Variants in DMXL2 observed in about 807,000 individuals in gnomAD.
DMXL2 encodes the protein Dmx like 2.
DMXL2 carries 103 observed loss-of-function variants against 331.1 expected under a neutral mutation model. That is an observed-to-expected ratio of 0.31 (90% CI 0.27 to 0.37). DMXL2 has a LOEUF of 0.37. DMXL2 is among the 10% of genes least tolerant of loss of function. The pLI is 1.00. For missense variants in DMXL2, 3,171 were observed against 3,642.9 expected (o/e 0.87, Z 3.33); for synonymous variants, 1,281 against 1,252.1 (o/e 1.02, Z -0.49).
chr15:51,538,459 A>G lies in DMXL2; in HGVS notation c.1106-7T>C. 1 of 1,567,448 alleles carries G rather than the reference A, an allele frequency of 6.4e-7. No individual in the cohort carries two copies. Among genetic ancestry groups the G allele is most frequent in the Non-Finnish European group, 8.6e-7 (1 of 1,159,512 alleles). On this transcript the variant is annotated splice_region_variant and splice_polypyrimidine_tract_variant and intron_variant, in intron 9 of 43. Coordinates refer to ENST00000560891, the MANE Select transcript of DMXL2 (RefSeq NM_001378457.1). The stretch of plus-strand genomic sequence containing the variant: ...ACCAAGACATTTGGAATATCTGTGG[A>G]AATAAAAGAGATTTCAATATAATTT...
At chr15:51,601,185 G>A (rs1197878707) in intron 1 of DMXL2, among the ~76,000 whole-genome samples, 1 of 151,656 alleles carries the variant, frequency 6.6e-6, no homozygotes, top group East Asian at 1.9e-4. Context: ...CAGCTACTCG[G>A]GAGGCTGAGG....
chr15:51,587,170 T>C (rs1241908831), intron 1 of DMXL2, among the ~76,000 whole-genome samples: 1 of 152,182 alleles, frequency 6.6e-6, no homozygotes, highest in African/African-American at 2.4e-5. Flanking sequence ...GAAATAAAAA[T>C]AACTTTTTTT....
chr15:51,498,903 T>C lies in DMXL2; in HGVS notation c.4321A>G (p.Thr1441Ala), dbSNP rs1567031469. The change falls in exon 18 of 44, where the codon ACA becomes GCA. Residue 1441 changes from threonine to alanine, a missense_variant. Thr to Ala is a moderately conservative substitution (Grantham distance 58). Coordinates refer to ENST00000560891, the MANE Select transcript of DMXL2 (RefSeq NM_001378457.1). ...CTTTCTTCTGAAATTCTGTAGGATG[T>C]ATCTTGATCTGCAGCAAGTAATGCA... ...LYALLAADQDTSYRISEESTK... is the reference protein window; with the variant it reads ...LYALLAADQDASYRISEESTK... 1.2e-6 allele frequency: 2 copies of C among 1,614,162 alleles called. No homozygotes were observed. Among genetic ancestry groups the C allele is most frequent in the Non-Finnish European group, 1.7e-6 (2 of 1,180,016 alleles).
In DMXL2 at chr15:51,499,489, A is replaced by C. The variant is rs140476651; in HGVS notation, c.3735T>G (p.Thr1245=). ...SIDLVSSVDG[T]PSLPVSLSWV... is the part of the protein sequence containing the mutation. Reference sequence around the variant, plus strand: ...AAGAGAGAGAAACAGGCAGTGAAGGAGTACCATCAACAGAAGATACCAAGT... The same window carrying C: ...AAGAGAGAGAAACAGGCAGTGAAGGCGTACCATCAACAGAAGATACCAAGT... Residue 1245 remains threonine, a synonymous_variant, in exon 18 of 44, where the codon ACT becomes ACG. Transcript: ENST00000560891. 2 of 1,613,998 alleles carry C rather than the reference A, an allele frequency of 1.2e-6. No homozygotes were observed. The highest frequency in any genetic ancestry group is 2.7e-5 in the African/African-American group (2 of 74,938).
At chr15:51,587,629 AC>A (rs2051953915) in intron 1 of DMXL2, among the ~76,000 whole-genome samples, 1 of 152,182 alleles carries the variant, frequency 6.6e-6, no homozygotes, top group African/African-American at 2.4e-5. Flanking sequence ...CAGTAAACAT[AC>A]GTGTGCATGT....
intron 1 of DMXL2, among the ~76,000 whole-genome samples, chr15:51,582,506 T>G (rs1255525488): frequency 6.6e-6 from 1 of 152,110 alleles, no homozygotes; most frequent in East Asian, 1.9e-4. Context: ...TTATAGAAAG[T>G]CTTAAGAGGC....
chr15:51,552,863 C>T (rs1438342068), intron 6 of DMXL2, among the ~76,000 whole-genome samples: 1 of 152,204 alleles, frequency 6.6e-6, no homozygotes, highest in Admixed American at 6.5e-5. Flanking sequence ...GATATGTTAA[C>T]TCAGATGCAT....
intron 42 of DMXL2, 41 bp from the exon 43 acceptor site, chr15:51,450,387 C>A (rs1450349133): frequency 6.3e-7 from 1 of 1,589,598 alleles, no homozygotes; most frequent in Non-Finnish European, 8.6e-7. Context: ...AAAACAATTT[C>A]TTGTCTTGGT....
intron 6 of DMXL2, among the ~76,000 whole-genome samples, chr15:51,554,534 T>C (rs1157996241): frequency 6.6e-6 from 1 of 152,240 alleles, no homozygotes; most frequent in Non-Finnish European, 1.5e-5. Context: ...ATACCCACGC[T>C]TCTCAAGACA....
At chr15:51,508,090 C>T (rs2046519810) in intron 15 of DMXL2, among the ~76,000 whole-genome samples, 1 of 152,000 alleles carries the variant, frequency 6.6e-6, no homozygotes, top group Non-Finnish European at 1.5e-5. Context: ...AACAGTCTGG[C>T]ACCGCATGTT....
chr15:51,452,090 G>GT (rs922790634), intron 41 of DMXL2, among the ~76,000 whole-genome samples: 4 of 152,156 alleles, frequency 2.6e-5, no homozygotes, highest in Non-Finnish European at 5.9e-5. Context: ...TGGGGACAGT[G>GT]TCAAATACCT....
Position 51,576,183 on chromosome 15 carries a change from T to TCAAAAAAAAAAAAAA in DMXL2, c.88-3_88-2insTTTTTTTTTTTTTTG. On this transcript the variant is annotated splice_region_variant and splice_polypyrimidine_tract_variant and intron_variant, in intron 1 of 43. Coordinates refer to ENST00000560891, the MANE Select transcript of DMXL2 (RefSeq NM_001378457.1). ...AATATCACAGCCTGATCCATATGCC[T>TCAAAAAAAAAAAAAA]AAAAAAAAAAAAAAAAAAAAGTTTT... The TCAAAAAAAAAAAAAA allele has an allele frequency of 3.2e-6, 2 of 626,284 alleles. No individual in the cohort carries two copies. Among genetic ancestry groups the TCAAAAAAAAAAAAAA allele is most frequent in the Non-Finnish European group, 4.1e-6 (2 of 493,546 alleles). 38.8% of individuals were successfully genotyped at this position (626,284 alleles called of 1,614,324 possible).
Position 51,546,157 on chromosome 15 carries a change from A to G in DMXL2, c.747-391T>C, listed in dbSNP as rs185238138. Among the ~76,000 whole-genome samples the G allele has an allele frequency of 2.2e-4, 33 of 152,252 alleles. No individual in the cohort carries two copies. In the East Asian group the frequency reaches 6.2e-3, roughly 28 times the overall value. On this transcript the variant is annotated intron_variant, in intron 7 of 43. Coordinates refer to ENST00000560891, the MANE Select transcript of DMXL2 (RefSeq NM_001378457.1). ...TTCATCACTTTACATCCTCCTTCCT[A>G]TAACCCAAACAGTTACAAACAAATA... is the stretch of plus-strand genomic sequence containing the variant.
In DMXL2 at chr15:51,538,431, C is replaced by G. The variant is rs759001173; in HGVS notation, c.1127G>C (p.Gly376Ala). 7 of 1,604,498 alleles carry G rather than the reference C, an allele frequency of 4.4e-6. No homozygotes were observed. The East Asian group carries it at 1.6e-4, about 36-fold the overall frequency. ...TCCATCATCAACATTAAATGCAGTG[C>G]CAACCAAGACATTTGGAATATCTGT... ...PATDIPNVLV[G>A]TAFNVDDGNG... Residue 376 changes from glycine to alanine, a missense_variant, in exon 10 of 44, where the codon GGC (glycine) becomes GCC (alanine). Transcript: ENST00000560891.
In DMXL2 at chr15:51,612,507, G is replaced by C. The variant is rs556282297; in HGVS notation, c.87+9952C>G. On this transcript the variant is annotated intron_variant, in intron 1 of 43. Coordinates refer to ENST00000560891, the MANE Select transcript of DMXL2 (RefSeq NM_001378457.1). Reference sequence around the variant, plus strand: ...AAATTTTAAAGCTGGGTGTCCGGGGGAGACATCACATGTCAGCAGGTTCCG... The same window carrying C: ...AAATTTTAAAGCTGGGTGTCCGGGGCAGACATCACATGTCAGCAGGTTCCG... Among the ~76,000 whole-genome samples the C allele has an allele frequency of 2.6e-5, 4 of 152,246 alleles. 1 individual carries two copies. The highest frequency in any genetic ancestry group is 7.2e-5 in the African/African-American group (3 of 41,544).
intron 1 of DMXL2, among the ~76,000 whole-genome samples, chr15:51,608,214 CAG>C (rs886955732): frequency 6.6e-6 from 1 of 151,670 alleles, no homozygotes; most frequent in African/African-American, 2.4e-5. Flanking sequence ...AAAATAAAAA[CAG>C]AACTACAATT....
rs28535209 is a variant in DMXL2, at chr15:51,539,629, C to T, written c.1106-1177G>A. On this transcript the variant is annotated intron_variant, in intron 9 of 43. Transcript: ENST00000560891. Reference sequence around the variant, plus strand: ...TTTGGGACCAGCCTGGGAAACACAGCGAGACACTGACTCTACAAAAACTAC... The same window carrying T: ...TTTGGGACCAGCCTGGGAAACACAGTGAGACACTGACTCTACAAAAACTAC... Among the ~76,000 whole-genome samples, 1,393 of 151,978 alleles carry T rather than the reference C, an allele frequency of 9.2e-3. 20 individuals carry two copies. The highest frequency in any genetic ancestry group is 0.032 in the African/African-American group (1,335 of 41,444).
At position 51,464,802 on chromosome 15, in the gene DMXL2, T is replaced by C; in HGVS notation, c.7681A>G (p.Lys2561Glu). Residue 2561 changes from lysine to glutamate, a missense_variant, in exon 32 of 44, where the codon AAA (lysine) becomes GAA (glutamate). Physicochemically the swap from Lys to Glu is moderately conservative, Grantham distance 56. Transcript: ENST00000560891. ...LENWEQILQE[K>E]MDQFEGPPPN... ...GGTGGACCTTCAAACTGATCCATTT[T>C]CTCTTGCAAGATCTGTTCCCAGTTC... 1 of 1,614,154 alleles carries C rather than the reference T, an allele frequency of 6.2e-7. No individual in the cohort carries two copies. Among genetic ancestry groups the C allele is most frequent in the Non-Finnish European group, 8.5e-7 (1 of 1,180,000 alleles).
At chr15:51,511,739 A>G (rs960310038) in intron 15 of DMXL2, among the ~76,000 whole-genome samples, 2 of 152,230 alleles carry the variant, frequency 1.3e-5, no homozygotes. Context: ...ACACATGCAC[A>G]TGTATGTTTA....
Sources: allele counts gnomAD v4.1 joint callset (sites outside exome capture counted in the v4.1 genomes callset), GRCh38; gene constraint gnomAD v4.1.1; transcripts MANE v1.5; gene names NCBI Gene and HGNC (gene_info 2026-07-23, HGNC 2026-07-21).